Variants in ADGRL4 observed in about 807,000 individuals in gnomAD.
ADGRL4 encodes the protein EGF, latrophilin and seven transmembrane domain containing 1.
In ADGRL4, 90 loss-of-function variants were observed where a neutral mutation model predicts 74.8. The ratio of observed to expected loss-of-function variants is 1.20; its 90% CI spans 1.02 to 1.43. The LOEUF is 1.43. Ranked by LOEUF, ADGRL4 falls within the 40% of genes most tolerant of loss-of-function variation. The pLI is 0.00. For synonymous variants in ADGRL4, 311 were observed against 279.2 expected, an observed-to-expected ratio of 1.11 and a Z score of -1.14; for missense variants, 881 against 814.3, an observed-to-expected ratio of 1.08 and a Z score of -1.00.
At chr1:78,976,646 A>G (rs1650288008) in intron 2 of ADGRL4, among the ~76,000 whole-genome samples, 1 of 151,800 alleles carries the variant, frequency 6.6e-6, no homozygotes, top group Admixed American at 6.6e-5. Flanking sequence ...TACTTTCTGA[A>G]TCTTTATAAA....
chr1:78,969,025 C>A (rs1650115967), intron 2 of ADGRL4, among the ~76,000 whole-genome samples: 1 of 152,142 alleles, frequency 6.6e-6, no homozygotes, highest in African/African-American at 2.4e-5. Context: ...ATCTTTTTGA[C>A]TTTTGATTGG....
At chr1:78,945,177 AAT>A (rs36107474) in intron 3 of ADGRL4, among the ~76,000 whole-genome samples, 48 of 127,916 alleles carry the variant, frequency 3.8e-4, no homozygotes, top group South Asian at 1.8e-3. Context: ...AAAAAAAAAA[AAT>A]ATATATATAT....
chr1:78,895,189 C>T (rs12119116), intron 12 of ADGRL4, among the ~76,000 whole-genome samples: 1 of 151,822 alleles, frequency 6.6e-6, no homozygotes, highest in Non-Finnish European at 1.5e-5. Context: ...TATCAAAAGG[C>T]GTTATAGTTT....
chr1:78,938,303 A>C, intron 4 of ADGRL4, 24 bp from the exon 5 acceptor site: 1 of 1,530,794 alleles, frequency 6.5e-7, no homozygotes, highest in Non-Finnish European at 8.7e-7. Context: ...AGTCCAGAAA[A>C]AGGAAACTAA....
At chr1:78,893,448 T>C (rs1648331198) in intron 12 of ADGRL4, among the ~76,000 whole-genome samples, 1 of 151,934 alleles carries the variant, frequency 6.6e-6, no homozygotes, top group Non-Finnish European at 1.5e-5. Context: ...AATATATACA[T>C]TAAGTTAAAT....
intron 7 of ADGRL4, among the ~76,000 whole-genome samples, chr1:78,928,559 T>C (rs1283303548): frequency 1.3e-5 from 2 of 151,486 alleles, no homozygotes; most frequent in Non-Finnish European, 2.9e-5. Flanking sequence ...ATGCTTACTT[T>C]AGTCTTTTTG....
In ADGRL4 at chr1:79,000,971, A is replaced by T. The variant is rs562235006; in HGVS notation, c.172+4099T>A. On this transcript the variant is annotated intron_variant, in intron 2 of 14. Coordinates refer to ENST00000370742, the MANE Select transcript of ADGRL4 (RefSeq NM_022159.4). ...AAAATTCCCTAAGATTTTTAGTAAC[A>T]TATCTTGTACATGAAGCAAAACATA... 3.9e-4 allele frequency among the ~76,000 whole-genome samples: 59 copies of T among 152,272 alleles called. No individual in the cohort carries two copies. In the South Asian group the frequency reaches 0.011, roughly 29 times the overall value.
At position 79,006,695 on chromosome 1, in the gene ADGRL4, G is replaced by C. The variant is rs754119998; in HGVS notation, c.-41C>G. On this transcript the variant is annotated 5_prime_UTR_variant, in exon 1 of 15. Coordinates refer to ENST00000370742, the MANE Select transcript of ADGRL4 (RefSeq NM_022159.4). ...TGGTGGCGGTGGCGGAGAGCGCGGC[G>C]GAGTGAGTGCGGCTGTGGACCCGGG... 8.2e-6 allele frequency: 12 copies of C among 1,460,226 alleles called. No individual in the cohort carries two copies. In the South Asian group the frequency reaches 1.4e-4, roughly 17 times the overall value. 90.5% of individuals were successfully genotyped at this position (1,460,226 alleles called of 1,614,324 possible). A position where few individuals can be genotyped will look rare whatever the true frequency, so the allele number is the denominator to read the frequency against.
rs1570203774 is a variant in ADGRL4, at chr1:78,891,382, A to G, written c.2010+142T>C. ...TCCCTAATACCAAGGTTCTTTTAAAAGCATATTTTCCTATGAACAGCTAGG... is the reference window on the plus strand; with the variant it reads ...TCCCTAATACCAAGGTTCTTTTAAAGGCATATTTTCCTATGAACAGCTAGG... On this transcript the variant is annotated intron_variant, in intron 14 of 14. Coordinates refer to ENST00000370742, the MANE Select transcript of ADGRL4 (RefSeq NM_022159.4). The G allele has an allele frequency of 4.1e-6, 5 of 1,217,326 alleles. No homozygotes were observed. In the Admixed American group the frequency reaches 1.4e-4, roughly 35 times the overall value. 75.4% of individuals were successfully genotyped at this position (1,217,326 alleles called of 1,614,324 possible). A position where few individuals can be genotyped will look rare whatever the true frequency, so the allele number is the denominator to read the frequency against.
intron 6 of ADGRL4, 130 bp from the exon 7 acceptor site, chr1:78,936,541 C>A: frequency 1.2e-6 from 1 of 847,628 alleles, no homozygotes; most frequent in Non-Finnish European, 1.7e-6. Context: ...GTAGAGTGAA[C>A]ATTCTTAATG....
chr1:78,982,963 A>G (rs1406876172), intron 2 of ADGRL4, among the ~76,000 whole-genome samples: 1 of 151,818 alleles, frequency 6.6e-6, no homozygotes, highest in African/African-American at 2.4e-5. Flanking sequence ...CATCAGGAAA[A>G]ATAAAATAAA....
chr1:78,895,298 A>T (rs1455540653), intron 12 of ADGRL4, among the ~76,000 whole-genome samples: 1 of 152,030 alleles, frequency 6.6e-6, no homozygotes, highest in Non-Finnish European at 1.5e-5. Flanking sequence ...TATGCTAAGA[A>T]TTTTTTTAAA....
At chr1:78,975,222 T>C (rs1282791844) in intron 2 of ADGRL4, among the ~76,000 whole-genome samples, 1 of 152,118 alleles carries the variant, frequency 6.6e-6, no homozygotes, top group Non-Finnish European at 1.5e-5. Flanking sequence ...ATAACTGTAG[T>C]GAGTGGGACC....
intron 2 of ADGRL4, among the ~76,000 whole-genome samples, chr1:78,990,924 A>G (rs979488432): frequency 3.9e-5 from 6 of 152,138 alleles, no homozygotes; most frequent in African/African-American, 1.4e-4. Context: ...CAAAGGATAT[A>G]CAACTCTCTT....
chr1:78,946,807 T>G (rs1649611269), intron 2 of ADGRL4, among the ~76,000 whole-genome samples: 1 of 152,110 alleles, frequency 6.6e-6, no homozygotes, highest in Admixed American at 6.6e-5. Context: ...AAATGAAAAA[T>G]CAGAAATTAC....
At chr1:78,923,945 G>C (rs1418546129) in intron 8 of ADGRL4, among the ~76,000 whole-genome samples, 1 of 151,734 alleles carries the variant, frequency 6.6e-6, no homozygotes, top group Non-Finnish European at 1.5e-5. Flanking sequence ...TAAAACTGAA[G>C]ACCATACATT....
chr1:78,979,862 A>G (rs1248653632), intron 2 of ADGRL4, among the ~76,000 whole-genome samples: 3 of 151,958 alleles, frequency 2.0e-5, no homozygotes, highest in African/African-American at 7.2e-5. Flanking sequence ...ACGCAAAGGC[A>G]TAAGAATGGA....
At chr1:78,931,058 C>T (rs1649231637) in intron 7 of ADGRL4, among the ~76,000 whole-genome samples, 3 of 151,328 alleles carry the variant, frequency 2.0e-5, no homozygotes, top group Admixed American at 1.3e-4. Flanking sequence ...GACAGGCCAA[C>T]ATGCAAATTC....
chr1:78,967,879 T>A (rs182809316), intron 2 of ADGRL4, among the ~76,000 whole-genome samples: 29 of 149,144 alleles, frequency 1.9e-4, no homozygotes, highest in African/African-American at 7.3e-4. Context: ...TTTCATAACA[T>A]CAAGTGTTTT....
Sources: allele counts gnomAD v4.1 joint callset (sites outside exome capture counted in the v4.1 genomes callset), GRCh38; gene constraint gnomAD v4.1.1; transcripts MANE v1.5; gene names NCBI Gene and HGNC (gene_info 2026-07-23, HGNC 2026-07-21).